Variants in GPX5 observed in about 807,000 individuals in gnomAD.
The protein encoded by GPX5 is glutathione peroxidase 5.
In GPX5, 20 loss-of-function variants were observed where a neutral mutation model predicts 23.8. The observed-to-expected ratio is 0.84, with a 90% CI of 0.59 to 1.22. GPX5 has a LOEUF of 1.22. Among genes scored for constraint, GPX5 ranks in the 50% most tolerant of loss-of-function variants. The pLI, the probability that GPX5 is intolerant of heterozygous loss-of-function variation, is 0.00. For missense variants in GPX5, 230 were observed against 266.6 expected, an observed-to-expected ratio of 0.86 and a Z score of 0.96; for synonymous variants, 92 against 99.5, an observed-to-expected ratio of 0.92 and a Z score of 0.45.
intron 1 of GPX5, 186 bp from the exon 2 acceptor site, chr6:28,529,265 G>A (rs996603720): frequency 4.4e-6 from 2 of 452,112 alleles, no homozygotes; most frequent in Non-Finnish European, 7.7e-6. Context: ...CCTGGCTTAT[G>A]AGACTTGATT....
intron 4 of GPX5, 144 bp from the exon 5 acceptor site, chr6:28,533,817 C>A: frequency 1.8e-6 from 1 of 541,188 alleles, no homozygotes; most frequent in East Asian, 2.9e-5. Flanking sequence ...AGTGGTGATT[C>A]AAGAATTTAT....
chr6:28,529,323 CT>C, intron 1 of GPX5, 127 bp from the exon 2 acceptor site: 1 of 655,344 alleles, frequency 1.5e-6, no homozygotes, highest in Non-Finnish European at 2.3e-6. Context: ...GTCATTGACA[CT>C]TTAGACAACT....
In GPX5 at chr6:28,525,914, C is replaced by A; in HGVS notation, c.-100C>A. ...GGAATCCTTGCAGCCCTGTGACTGG[C>A]CTGTGGGGGCTTGGGCTAAGTCCCT... On this transcript the variant is annotated 5_prime_UTR_variant, in exon 1 of 5. Transcript: ENST00000412168. The A allele has an allele frequency of 1.2e-6, 1 of 844,344 alleles. No homozygotes were observed. Among genetic ancestry groups the A allele is most frequent in the Non-Finnish European group, 2.0e-6 (1 of 494,654 alleles). The allele number at this position is 844,344 out of a possible 1,614,324, so 52.3% of individuals were successfully genotyped here. A position where few individuals can be genotyped will look rare whatever the true frequency, so the allele number is the denominator to read the frequency against.
At chr6:28,532,446 C>G in intron 4 of GPX5, 26 bp downstream of exon 4, 1 of 1,385,304 alleles carries the variant, frequency 7.2e-7, no homozygotes, top group East Asian at 2.4e-5. Flanking sequence ...GCATAAGCCT[C>G]CTCCTCTTTT....
chr6:28,528,413 A>C (rs887794357), intron 1 of GPX5: 1 of 152,160 alleles, frequency 6.6e-6, no homozygotes, highest in African/African-American at 2.4e-5. Flanking sequence ...CTGGCTTCTG[A>C]TTCCCAGGGC....
At position 28,534,592 on chromosome 6, in the gene GPX5, A is replaced by G. The variant is rs554306870; in HGVS notation, c.*425A>G. On this transcript the variant is annotated 3_prime_UTR_variant, in exon 5 of 5. Transcript: ENST00000412168. ...ATAGCAATGGGGTCACAGTCACACA[A>G]TTTAGGTTCCACTTCATAACATTTT... 1.4e-4 allele frequency: 22 copies of G among 160,700 alleles called. No homozygotes were observed. The South Asian group carries it at 3.5e-3, about 25-fold the overall frequency. The allele number at this position is 160,700 out of a possible 1,614,324, so 10.0% of individuals were successfully genotyped here.
chr6:28,530,371 T>C (rs1442315023), intron 2 of GPX5, among the ~76,000 whole-genome samples: 2 of 152,222 alleles, frequency 1.3e-5, no homozygotes, highest in Non-Finnish European at 2.9e-5. Context: ...CAAATGTACT[T>C]CTTATATTTG....
intron 1 of GPX5, 34 bp downstream of exon 1, chr6:28,526,134 T>C (rs755186496): frequency 6.8e-7 from 1 of 1,480,876 alleles, no homozygotes; most frequent in Non-Finnish European, 9.4e-7. Context: ...TGGTAGTTAC[T>C]CTTCTGTCCT....
chr6:28,527,940 C>T (rs1264116473), intron 1 of GPX5: 2 of 152,140 alleles, frequency 1.3e-5, no homozygotes, highest in Non-Finnish European at 2.9e-5. Context: ...GAATTTCAGG[C>T]AGGGCTAATT....
At chr6:28,532,271 CTTT>C (rs778478093) in intron 3 of GPX5, 47 bp from the exon 4 acceptor site, 2 of 1,106,354 alleles carry the variant, frequency 1.8e-6, no homozygotes, top group Non-Finnish European at 2.6e-6. Context: ...CCATTATAAT[CTTT>C]ACTTGCATAT....
intron 1 of GPX5, 82 bp from the exon 2 acceptor site, chr6:28,529,369 C>A: frequency 8.8e-7 from 1 of 1,138,426 alleles, no homozygotes; most frequent in Admixed American, 2.3e-5. Flanking sequence ...TAGAACATAA[C>A]TATTCTTTGA....
rs1581853628 is a variant in GPX5 at position 28,529,485 on chromosome 6, A to G, written c.122A>G (p.Tyr41Cys). 6.2e-7 allele frequency: 1 copy of G among 1,612,858 alleles called. No homozygotes were observed. Among genetic ancestry groups the G allele is most frequent in the African/African-American group, 1.3e-5 (1 of 75,030 alleles). ...DCHKDEKGTI[Y>C]DYEAIALNKN... The stretch of plus-strand genomic sequence containing the variant: ...CACAAAGACGAGAAAGGCACCATCT[A>G]TGACTATGAGGCCATCGCACTTAAT... The change falls in exon 2 of 5, where the codon TAT becomes TGT. Residue 41 changes from tyrosine to cysteine, a missense_variant. Coordinates refer to ENST00000412168, the MANE Select transcript of GPX5 (RefSeq NM_001509.3).
rs572359254 is a variant in GPX5 at position 28,530,689 on chromosome 6, A to G, written c.241+1085A>G. 3.9e-5 allele frequency among the ~76,000 whole-genome samples: 6 copies of G among 152,276 alleles called. No individual in the cohort carries two copies. In the South Asian group the frequency reaches 8.3e-4, roughly 21 times the overall value. On this transcript the variant is annotated intron_variant, in intron 2 of 4. Coordinates refer to ENST00000412168, the MANE Select transcript of GPX5 (RefSeq NM_001509.3). ...ACTGAATAATATTTATTGGACCACA[A>G]TTTATTTTCCCAGTTTATAGGGACT... is the stretch of plus-strand genomic sequence containing the variant.
In GPX5 at chr6:28,530,982, C is replaced by T. The variant is rs147682075; in HGVS notation, c.242-796C>T. ...AGTTGGAAAACTTCCTGGTAGTGGA[C>T]GAAGGCAGCTGAAGCTTGTTTTTCA... On this transcript the variant is annotated intron_variant, in intron 2 of 4. Coordinates refer to ENST00000412168, the MANE Select transcript of GPX5 (RefSeq NM_001509.3). 3.3e-5 allele frequency among the ~76,000 whole-genome samples: 5 copies of T among 152,094 alleles called. No individual in the cohort carries two copies. The South Asian group carries it at 8.3e-4, about 25-fold the overall frequency.
intron 4 of GPX5, 42 bp from the exon 5 acceptor site, chr6:28,533,919 G>A: frequency 7.5e-7 from 1 of 1,327,778 alleles, no homozygotes; most frequent in East Asian, 2.5e-5. Flanking sequence ...TCATCCAGGA[G>A]CAGAAATAAC....
intron 3 of GPX5, among the ~76,000 whole-genome samples, 162 bp from the exon 4 acceptor site, chr6:28,532,159 G>A (rs529377904): frequency 1.1e-4 from 16 of 152,264 alleles, no homozygotes; most frequent in Non-Finnish European, 1.9e-4. Context: ...GAGAAATAAA[G>A]TGAGTCAGAG....
At chr6:28,526,600 C>CT (rs956616232) in intron 1 of GPX5, among the ~76,000 whole-genome samples, 10 of 152,120 alleles carry the variant, frequency 6.6e-5, no homozygotes, top group Admixed American at 2.6e-4. Flanking sequence ...AATCAGAGCC[C>CT]TAAAACAACT....
chr6:28,526,878 A>G (rs1411752936), intron 1 of GPX5: 1 of 152,216 alleles, frequency 6.6e-6, no homozygotes, highest in Admixed American at 6.5e-5. Context: ...TAACTACCTT[A>G]TGGGTGGGTG....
chr6:28,528,125 C>G (rs1213395412), intron 1 of GPX5: 3 of 152,178 alleles, frequency 2.0e-5, no homozygotes, highest in African/African-American at 7.2e-5. Flanking sequence ...TTCAGGGACT[C>G]ACTTGCAGAT....
Sources: gnomAD v4.1 joint callset for allele counts (sites outside exome capture counted in the v4.1 genomes callset) on GRCh38, gnomAD v4.1.1 for gene constraint, MANE v1.5 for transcripts, NCBI Gene and HGNC (gene_info 2026-07-23, HGNC 2026-07-21) for gene names.